The following STX6 variants were observed in gnomAD, a reference collection of about 807,000 sequenced individuals.
STX6 encodes syntaxin-6.
Under a neutral mutation model 38.0 loss-of-function variants are expected in STX6, and 23 were observed. The ratio of observed to expected loss-of-function variants is 0.60; its 90% confidence interval spans 0.43 to 0.86. The LOEUF (loss-of-function observed/expected upper bound fraction) is 0.86, where lower values mean the gene tolerates loss of function less well. STX6 is among the 40% of genes least tolerant of loss of function. STX6 has a pLI of 0.00. For missense variants in STX6, 274 were observed against 312.9 expected (o/e 0.88, Z 0.94); for synonymous variants, 123 against 107.5 (o/e 1.14, Z -0.89).
At chr1:181,020,483 T>C (rs1004559770) in intron 1 of STX6, among the ~76,000 whole-genome samples, 1 of 152,238 alleles carries the variant, frequency 6.6e-6, no homozygotes, top group East Asian at 1.9e-4. Flanking sequence ...TGGCTGGCAT[T>C]ATACTTCTAT....
intron 3 of STX6, among the ~76,000 whole-genome samples, chr1:180,997,187 A>C (rs913753261): frequency 6.6e-6 from 1 of 152,244 alleles, no homozygotes; most frequent in African/African-American, 2.4e-5. Context: ...TAATAGAGGT[A>C]ACACATGAAG....
intron 1 of STX6, among the ~76,000 whole-genome samples, chr1:181,009,721 AAG>A (rs1656339230): frequency 6.6e-6 from 1 of 151,910 alleles, no homozygotes; most frequent in African/African-American, 2.4e-5. Flanking sequence ...AGCCATTTGG[AAG>A]AGAGTTTGGT....
chr1:181,018,262 A>AGTCCCAGCTACTTGGGAGGGTGTGGC (rs1246712043), intron 1 of STX6, among the ~76,000 whole-genome samples: 1 of 151,734 alleles, frequency 6.6e-6, no homozygotes, highest in African/African-American at 2.4e-5. Flanking sequence ...GCACATTGGT[A>AGTCCCAGCTACTTGGGAGGGTGTGGC]GTCCCAGCTA....
intron 5 of STX6, 199 bp from the exon 6 acceptor site, chr1:180,988,544 C>T (rs941052680): frequency 9.9e-6 from 5 of 503,750 alleles, no homozygotes; most frequent in South Asian, 2.1e-5. Flanking sequence ...ACTGATATCT[C>T]CTGCTGATCC....
intron 3 of STX6, among the ~76,000 whole-genome samples, chr1:181,001,616 T>C (rs1208646674): frequency 6.6e-6 from 1 of 152,218 alleles, no homozygotes; most frequent in Non-Finnish European, 1.5e-5. Context: ...GCAATTCAGA[T>C]GGCGGAAGAG....
chr1:181,002,094 T>C (rs1656097157), intron 3 of STX6, among the ~76,000 whole-genome samples: 2 of 152,178 alleles, frequency 1.3e-5, no homozygotes, highest in Non-Finnish European at 2.9e-5. Context: ...GCCAAGATCA[T>C]GCCACTACAT....
intron 4 of STX6, among the ~76,000 whole-genome samples, chr1:180,992,283 G>A (rs1467502878): frequency 1.3e-5 from 2 of 152,164 alleles, no homozygotes; most frequent in Admixed American, 1.3e-4. Flanking sequence ...TTGAAAAATG[G>A]AATGCAAGAA....
rs145206280 is a variant in STX6 at position 180,990,599 on chromosome 1, T to C, written c.364-490A>G. Among the ~76,000 whole-genome samples the C allele has an allele frequency of 4.6e-5, 7 of 152,200 alleles. 1 individual carries two copies. The East Asian group carries it at 1.4e-3, about 29-fold the overall frequency. ...CCTGGAATGACAAGAAGGTAAGCCA[T>C]AGCCCTTCACACACAAAGGCACAAG... On this transcript the variant is annotated intron_variant, in intron 4 of 7. Coordinates refer to ENST00000258301, the MANE Select transcript of STX6 (RefSeq NM_005819.6).
intron 3 of STX6, 129 bp downstream of exon 3, chr1:181,002,477 A>G: frequency 1.7e-6 from 1 of 591,226 alleles, no homozygotes; most frequent in Non-Finnish European, 2.9e-6. Flanking sequence ...ATATATGGGG[A>G]AGCTCACATT....
intron 1 of STX6, among the ~76,000 whole-genome samples, chr1:181,016,953 G>T (rs1439621076): frequency 6.6e-6 from 1 of 152,060 alleles, no homozygotes; most frequent in East Asian, 1.9e-4. Context: ...CGGGCGTGAT[G>T]GCGGGCTACT....
At chr1:181,005,537 T>A in intron 1 of STX6, 74 bp from the exon 2 acceptor site, 1 of 1,462,300 alleles carries the variant, frequency 6.8e-7, no homozygotes. Context: ...TGATTTAGGT[T>A]AACATTTATG....
At chr1:180,988,091 C>T (rs1571331276) in intron 6 of STX6, 148 bp downstream of exon 6, 6 of 547,730 alleles carry the variant, frequency 1.1e-5, no homozygotes, top group East Asian at 3.2e-5. Context: ...TTTGGGGAGG[C>T]TAATCTGTAA....
In STX6 at chr1:180,973,439, AAC is replaced by A. The variant is rs1341218922; in HGVS notation, c.*3129_*3130del. 2.0e-5 allele frequency: 3 copies of A among 152,680 alleles called. No homozygotes were observed. The highest frequency in any genetic ancestry group is 7.2e-5 in the African/African-American group (3 of 41,464). 9.5% of individuals were successfully genotyped at this position (152,680 alleles called of 1,614,324 possible). The stretch of plus-strand genomic sequence containing the variant: ...TCTACTTACAGAAGGTAAAACACTT[AAC>A]AGAGACAGATTTCTGTTGGAGTTAG... On this transcript the variant is annotated 3_prime_UTR_variant, in exon 8 of 8. Coordinates refer to ENST00000258301, the MANE Select transcript of STX6 (RefSeq NM_005819.6).
At chr1:180,996,890 G>A (rs1655931815) in intron 3 of STX6, among the ~76,000 whole-genome samples, 1 of 152,134 alleles carries the variant, frequency 6.6e-6, no homozygotes, top group Non-Finnish European at 1.5e-5. Flanking sequence ...TTTAAAATGT[G>A]TATTCTCATT....
chr1:181,014,311 T>TTGAACCCAG (rs1376561271), intron 1 of STX6, among the ~76,000 whole-genome samples: 3 of 151,628 alleles, frequency 2.0e-5, no homozygotes, highest in African/African-American at 7.3e-5. Flanking sequence ...GAAGAATCGC[T>TTGAACCCAG]TGAACCCAGG....
intron 1 of STX6, among the ~76,000 whole-genome samples, chr1:181,013,955 G>A (rs1656482383): frequency 6.6e-6 from 1 of 152,182 alleles, no homozygotes; most frequent in African/African-American, 2.4e-5. Flanking sequence ...AGGTATAGTG[G>A]TTGTCTTTTA....
rs1656787011 is a variant in STX6 at position 181,022,836 on chromosome 1, T to C, written c.-163A>G. 1.5e-6 allele frequency: 1 copy of C among 654,832 alleles called. No individual in the cohort carries two copies. The highest frequency in any genetic ancestry group is 2.6e-6 in the Non-Finnish European group (1 of 384,312). The allele number at this position is 654,832 out of a possible 1,614,324, so 40.6% of individuals were successfully genotyped here. ...CAGGCCAGGTGCACAGGACGGCCGC[T>C]GGTCCAGCACTCGCTCAGCACCACT... On this transcript the variant is annotated 5_prime_UTR_variant, in exon 1 of 8. Coordinates refer to ENST00000258301, the MANE Select transcript of STX6 (RefSeq NM_005819.6).
At position 181,007,137 on chromosome 1, in the gene STX6, G is replaced by A. The variant is rs76375945; in HGVS notation, c.36-1674C>T. The stretch of plus-strand genomic sequence containing the variant: ...CATCCTTTGGTATCCTTAGGGGATT[G>A]GTTCCAGGACCTCCACAGGATACCA... On this transcript the variant is annotated intron_variant, in intron 1 of 7. Transcript: ENST00000258301. Among the ~76,000 whole-genome samples, 605 of 152,254 alleles carry A rather than the reference G, an allele frequency of 4.0e-3. 6 individuals are homozygous for A. Among genetic ancestry groups the A allele is most frequent in the African/African-American group, 0.013 (559 of 41,534 alleles).
chr1:181,010,107 T>C (rs1185902394), intron 1 of STX6, among the ~76,000 whole-genome samples: 1 of 152,134 alleles, frequency 6.6e-6, no homozygotes, highest in African/African-American at 2.4e-5. Flanking sequence ...GAGAAACGTT[T>C]TGGGGTGATG....
Sources: gnomAD v4.1 joint callset for allele counts (sites outside exome capture counted in the v4.1 genomes callset) on GRCh38, gnomAD v4.1.1 for gene constraint, MANE v1.5 for transcripts, NCBI Gene and HGNC (gene_info 2026-07-23, HGNC 2026-07-21) for gene names.